The following CSF2RB variants were observed in gnomAD, a reference collection of about 807,000 sequenced individuals.
The protein encoded by CSF2RB is cytokine receptor common subunit beta.
CSF2RB carries 22 observed loss-of-function variants against 67.2 expected under a neutral mutation model. The ratio of observed to expected loss-of-function variants is 0.33; its 90% CI spans 0.23 to 0.47. CSF2RB has a LOEUF of 0.47. Among genes scored for constraint, CSF2RB ranks in the 20% least tolerant of loss-of-function variants. The probability of loss-of-function intolerance (pLI) is 1.00; values close to 1 mark genes in which losing one functional copy is unlikely to be tolerated. For missense variants in CSF2RB, 1,113 were observed against 1,174.5 expected (o/e 0.95, Z 0.76); for synonymous variants, 507 against 482.9 (o/e 1.05, Z -0.65).
rs769315945 is a variant in CSF2RB, at chr22:36,937,982, C to A, written c.2174C>A (p.Ala725Asp). The change falls in exon 14 of 14, where the codon GCC becomes GAC. Residue 725 changes from alanine (A) to aspartate (D), a missense_variant. Ala to Asp is a moderately radical substitution (Grantham distance 126, BLOSUM62 -2). Around this residue, in one of 2 missense-constraint regions of CSF2RB, gnomAD observed 554 missense variants for 517.9 expected, o/e 1.07. Coordinates refer to ENST00000403662, the MANE Select transcript of CSF2RB (RefSeq NM_000395.3). The surrounding 1 kb of genome is among the most constrained non-coding windows in gnomAD (Gnocchi z 4.6). The part of the protein sequence containing the change: ...ADLVFTPNSG[A>D]SSVSLVPSLG... ...CTGGTATTCACCCCAAACTCAGGGG[C>A]CTCGTCTGTCTCCCTAGTTCCCTCT... 1.2e-6 allele frequency: 2 copies of A among 1,614,038 alleles called. No individual in the cohort carries two copies. The highest frequency in any genetic ancestry group is 8.5e-7 in the Non-Finnish European group (1 of 1,180,018).
chr22:36,933,023 C>T, intron 9 of CSF2RB, 119 bp downstream of exon 9: 1 of 1,216,536 alleles, frequency 8.2e-7, no homozygotes, highest in Non-Finnish European at 1.2e-6. Flanking sequence ...TGAGAGGTAG[C>T]CACTGGGACG....
At chr22:36,922,620 C>A in intron 2 of CSF2RB, 1 of 466,916 alleles carries the variant, frequency 2.1e-6, no homozygotes, top group Admixed American at 3.5e-5. Context: ...GTGGTTCCCA[C>A]CTCCGGGACT....
chr22:36,925,885 CT>C (rs1183716813), intron 3 of CSF2RB, 101 bp from the exon 4 acceptor site: 1 of 1,325,406 alleles, frequency 7.5e-7, no homozygotes, highest in Non-Finnish European at 1.1e-6. Context: ...CTGCTGGCCC[CT>C]GATTCTGAAC....
At chr22:36,921,982 C>T (rs113663480) in intron 1 of CSF2RB, 54 bp from the exon 2 acceptor site, 14 of 597,206 alleles carry the variant, frequency 2.3e-5, no homozygotes, top group African/African-American at 1.5e-4. Flanking sequence ...GGGCGGTGTC[C>T]CTGGGACACG....
chr22:36,915,316 C>T (rs1940693416), intron 1 of CSF2RB, among the ~76,000 whole-genome samples: 1 of 152,042 alleles, frequency 6.6e-6, no homozygotes, highest in Non-Finnish European at 1.5e-5. Context: ...AACTCCTGAC[C>T]TCAGATGATC....
At chr22:36,928,702 G>A (rs868056091) in intron 4 of CSF2RB, among the ~76,000 whole-genome samples, 1 of 152,172 alleles carries the variant, frequency 6.6e-6, no homozygotes, top group Non-Finnish European at 1.5e-5. Flanking sequence ...AGTTGCTTAC[G>A]CGTATTTGTT....
intron 10 of CSF2RB, among the ~76,000 whole-genome samples, chr22:36,935,019 G>A (rs1243774835): frequency 1.3e-5 from 2 of 152,142 alleles, no homozygotes; most frequent in African/African-American, 2.4e-5. Flanking sequence ...TGGAGGCCCA[G>A]CTAATATGCC....
Position 36,938,692 on chromosome 22 carries a change from GAC to G in CSF2RB, c.*205_*206del, listed in dbSNP as rs555525962. The G allele has an allele frequency of 9.1e-3, 5,048 of 553,594 alleles. 15 individuals are homozygous for G. The highest frequency in any genetic ancestry group is 0.015 in the Middle Eastern group (31 of 2,016). The allele number at this position is 553,594 out of a possible 1,614,324, so 34.3% of individuals were successfully genotyped here. A position where few individuals can be genotyped will look rare whatever the true frequency, so the allele number is the denominator to read the frequency against. On this transcript the variant is annotated 3_prime_UTR_variant, in exon 14 of 14. Coordinates refer to ENST00000403662, the MANE Select transcript of CSF2RB (RefSeq NM_000395.3). The stretch of plus-strand genomic sequence containing the variant: ...TCACTTCTCTCCCTGCGCTCACACA[GAC>G]ACACACACACACACGTACATGCACA...
chr22:36,930,634 C>T (rs1166833965), intron 7 of CSF2RB, 39 bp from the exon 8 acceptor site: 2 of 1,611,650 alleles, frequency 1.2e-6, no homozygotes, highest in Admixed American at 3.3e-5. Context: ...TCCCGTGTGC[C>T]CTCCCTCTCC....
In CSF2RB at chr22:36,939,378, G is replaced by GCATA; in HGVS notation, c.*877_*880dup. On this transcript the variant is annotated 3_prime_UTR_variant, in exon 14 of 14. Transcript: ENST00000403662. The stretch of plus-strand genomic sequence containing the variant: ...CCAAACAAAGGAAAATGCCCCAAAG[G>GCATA]CATATATGCTTTAGGGCCTTTGGTC... The GCATA allele has an allele frequency of 3.0e-6, 2 of 666,974 alleles. No individual in the cohort carries two copies. The highest frequency in any genetic ancestry group is 5.5e-6 in the Non-Finnish European group (2 of 366,256). The allele number at this position is 666,974 out of a possible 1,614,324, so 41.3% of individuals were successfully genotyped here. A position where few individuals can be genotyped will look rare whatever the true frequency, so the allele number is the denominator to read the frequency against.
In CSF2RB at chr22:36,933,977, C is replaced by T. The variant is rs751031235; in HGVS notation, c.1298C>T (p.Ser433Phe). ...GIWSEWSEARSWDTESVLPMW... is the reference protein window; with the variant it reads ...GIWSEWSEARFWDTESVLPMW... Reference sequence around the variant, plus strand: ...TGGAGCGAGTGGAGTGAGGCGCGCTCCTGGGACACCGAGTCGGGTAGGTGA... The same window carrying T: ...TGGAGCGAGTGGAGTGAGGCGCGCTTCTGGGACACCGAGTCGGGTAGGTGA... The change falls in exon 10 of 14, where the codon TCC (serine) becomes TTC (phenylalanine). Residue 433 changes from serine (S) to phenylalanine (F), a missense_variant. By Grantham distance (155) the Ser-to-Phe change is radical (BLOSUM62 -2). Around this residue, in one of 2 missense-constraint regions of CSF2RB, gnomAD observed 559 missense variants for 656.5 expected, o/e 0.85. Transcript: ENST00000403662. The T allele has an allele frequency of 6.2e-7, 1 of 1,612,754 alleles. No homozygotes were observed. Among genetic ancestry groups the T allele is most frequent in the South Asian group, 1.1e-5 (1 of 91,076 alleles).
rs1478205992 is a variant in CSF2RB at position 36,939,527 on chromosome 22, T to A, written c.*1025T>A. 5.7e-6 allele frequency: 2 copies of A among 350,816 alleles called. No homozygotes were observed. The highest frequency in any genetic ancestry group is 4.9e-5 in the East Asian group (1 of 20,522). 21.7% of individuals were successfully genotyped at this position (350,816 alleles called of 1,614,324 possible). A position where few individuals can be genotyped will look rare whatever the true frequency, so the allele number is the denominator to read the frequency against. ...AGGGATTATGGTTCTTTTAAATCTT[T>A]GCCTTTCAGATACAGGAAAAATAAT... On this transcript the variant is annotated 3_prime_UTR_variant, in exon 14 of 14. Coordinates refer to ENST00000403662, the MANE Select transcript of CSF2RB (RefSeq NM_000395.3).
In CSF2RB at chr22:36,939,353, CCAAA is replaced by C. The variant is rs532326032; in HGVS notation, c.*856_*859del. 2 of 687,006 alleles carry C rather than the reference CCAAA, an allele frequency of 2.9e-6. No individual in the cohort carries two copies. Among genetic ancestry groups the C allele is most frequent in the Non-Finnish European group, 2.7e-6 (1 of 376,822 alleles). The allele number at this position is 687,006 out of a possible 1,614,324, so 42.6% of individuals were successfully genotyped here. ...ACTGCGGAAAAGTCAGGGGAAACTG[CCAAA>C]CAAAGGAAAATGCCCCAAAGGCATA... On this transcript the variant is annotated 3_prime_UTR_variant, in exon 14 of 14. Coordinates refer to ENST00000403662, the MANE Select transcript of CSF2RB (RefSeq NM_000395.3).
chr22:36,938,268 C>A lies in CSF2RB; in HGVS notation c.2460C>A (p.Gly820=). ...GCCTCCTTGTCCTGCAGCAAGTGGG[C>A]GACTATTGCTTCCTCCCCGGCCTGG... The part of the protein sequence containing the change: ...PEGLLVLQQV[G]DYCFLPGLGP... The change falls in exon 14 of 14, where the codon GGC becomes GGA. Residue 820 remains glycine (G), a synonymous_variant. Transcript: ENST00000403662. 1.9e-6 allele frequency: 3 copies of A among 1,614,182 alleles called. No individual in the cohort carries two copies. Among genetic ancestry groups the A allele is most frequent in the African/African-American group, 1.3e-5 (1 of 75,064 alleles).
intron 2 of CSF2RB, 81 bp from the exon 3 acceptor site, chr22:36,923,163 A>G (rs2145784648): frequency 6.2e-7 from 1 of 1,607,676 alleles, no homozygotes; most frequent in Non-Finnish European, 8.5e-7. Flanking sequence ...CCAGAGCGGG[A>G]CATCCCAAAG....
chr22:36,935,749 T>A (rs1328160068), intron 12 of CSF2RB, 62 bp downstream of exon 12: 2 of 1,538,432 alleles, frequency 1.3e-6, no homozygotes, highest in Non-Finnish European at 1.8e-6. Flanking sequence ...CTTGTCTCTG[T>A]CCCCACCTCC....
intron 13 of CSF2RB, 58 bp downstream of exon 13, chr22:36,936,710 A>G (rs1397255989): frequency 6.9e-6 from 10 of 1,457,266 alleles, no homozygotes; most frequent in African/African-American, 1.4e-5. Flanking sequence ...GGCTGACTCC[A>G]TTGTGGAAAT....
At position 36,923,268 on chromosome 22, in the gene CSF2RB, G is replaced by T. The variant is rs781297912; in HGVS notation, c.101G>T (p.Arg34Leu). The T allele has an allele frequency of 6.2e-7, 1 of 1,614,052 alleles. No individual in the cohort carries two copies. Among genetic ancestry groups the T allele is most frequent in the Non-Finnish European group, 8.5e-7 (1 of 1,180,026 alleles). ...GAAACCATCCCGCTGCAGACCCTGC[G>T]CTGCTACAACGACTACACCAGCCAC... ...AEETIPLQTLRCYNDYTSHIT... is the reference protein window; with the variant it reads ...AEETIPLQTLLCYNDYTSHIT... The change falls in exon 3 of 14, where the codon CGC becomes CTC. Residue 34 changes from arginine to leucine, a missense_variant. Around this residue, in one of 2 missense-constraint regions of CSF2RB, gnomAD observed 559 missense variants for 656.5 expected, o/e 0.85. Transcript: ENST00000403662.
At chr22:36,921,059 C>T (rs1043032548) in intron 1 of CSF2RB, among the ~76,000 whole-genome samples, 12 of 149,822 alleles carry the variant, frequency 8.0e-5, no homozygotes, top group Admixed American at 2.0e-4. Context: ...GTGGTATATG[C>T]GAGTGTGTAT....
Sources: allele counts gnomAD v4.1 joint callset (sites outside exome capture counted in the v4.1 genomes callset), GRCh38; gene constraint gnomAD v4.1.1; regional missense constraint gnomAD v4.1.1; non-coding constraint Gnocchi (gnomAD v3.1); transcripts MANE v1.5; gene names NCBI Gene and HGNC (gene_info 2026-07-23, HGNC 2026-07-21).